The following TXNDC15 variants were observed in gnomAD, a reference collection of about 807,000 sequenced individuals.
TXNDC15 encodes thioredoxin domain-containing protein 15.
A neutral mutation model predicts 35.0 loss-of-function variants in TXNDC15; 24 were observed. That is an observed-to-expected ratio of 0.68 (90% CI 0.50 to 0.96). The LOEUF is 0.96. TXNDC15 is among the 40% of genes least tolerant of loss of function. The pLI, the probability that TXNDC15 is intolerant of heterozygous loss-of-function variation, is 0.00. For synonymous variants in TXNDC15, 169 were observed against 174.0 expected (o/e 0.97, Z 0.23); for missense variants, 385 against 453.3 (o/e 0.85, Z 1.37).
rs1271111731 is a variant in TXNDC15, at chr5:134,887,861, C to T, written c.270C>T (p.His90=). ...TGGGGCTGGACACCCAAGGCGATCACATGGTGATGCTGTCTGTGATTCCTG... is the reference window on the plus strand; with the variant it reads ...TGGGGCTGGACACCCAAGGCGATCATATGGTGATGCTGTCTGTGATTCCTG... ...AVLGLDTQGD[H]MVMLSVIPGE... is the part of the protein sequence containing the mutation. Residue 90 remains histidine (H), a synonymous_variant, in exon 2 of 5, where the codon CAC becomes CAT. Transcript: ENST00000358387. 3.7e-6 allele frequency: 6 copies of T among 1,614,198 alleles called. No individual in the cohort carries two copies. Among genetic ancestry groups the T allele is most frequent in the Non-Finnish European group, 5.1e-6 (6 of 1,180,044 alleles).
intron 1 of TXNDC15, 101 bp downstream of exon 1, chr5:134,874,631 C>T (rs772882537): frequency 3.1e-6 from 3 of 954,038 alleles, no homozygotes; most frequent in Non-Finnish European, 4.5e-6. Context: ...GCGCGACTCG[C>T]CCCTTCTTGG....
At chr5:134,874,352 C>G (rs896423650), upstream of TXNDC15, 23 of 1,305,160 alleles carry the variant, frequency 1.8e-5, no homozygotes, top group African/African-American at 2.3e-4. Flanking sequence ...CGCTCCCAGG[C>G]TCTCCTCCCC....
intron 2 of TXNDC15, among the ~76,000 whole-genome samples, chr5:134,888,742 A>G (rs1750328852): frequency 6.6e-6 from 1 of 152,152 alleles, no homozygotes; most frequent in Non-Finnish European, 1.5e-5. Flanking sequence ...TCGGCCTCCC[A>G]AAGTGCTGGG....
chr5:134,890,851 A>G (rs1750375797), intron 2 of TXNDC15, among the ~76,000 whole-genome samples: 1 of 152,218 alleles, frequency 6.6e-6, no homozygotes, highest in South Asian at 2.1e-4. Context: ...TTATCAACTA[A>G]GTTTATGGAA....
chr5:134,881,916 CG>C (rs2150184944), intron 1 of TXNDC15, among the ~76,000 whole-genome samples: 1 of 150,618 alleles, frequency 6.6e-6, no homozygotes, highest in African/African-American at 2.4e-5. Context: ...CCTGACCTCC[CG>C]GACGGGGCGG....
Position 134,888,003 on chromosome 5 carries a change from G to A in TXNDC15, c.412G>A (p.Ala138Thr). The change falls in exon 2 of 5, where the codon GCA (alanine) becomes ACA (threonine). Residue 138 changes from alanine to threonine, a missense_variant. Transcript: ENST00000358387. ...ESLFSLDGAG[A>T]HFPDREEEYY... ...CCTTTTCTCTCTGGATGGCGCTGGA[G>A]CACACTTCCCTGACAGAGAAGAGGA... 3.7e-6 allele frequency: 6 copies of A among 1,614,214 alleles called. No individual in the cohort carries two copies. Among genetic ancestry groups the A allele is most frequent in the Non-Finnish European group, 5.1e-6 (6 of 1,180,036 alleles).
chr5:134,888,214 T>A (rs1561899640), intron 2 of TXNDC15, 32 bp downstream of exon 2: 1 of 1,542,000 alleles, frequency 6.5e-7, no homozygotes, highest in Non-Finnish European at 8.8e-7. Context: ...CTTTTCTCCT[T>A]TTCAGTACAT....
At chr5:134,879,285 T>C (rs983499307) in intron 1 of TXNDC15, among the ~76,000 whole-genome samples, 43 of 152,198 alleles carry the variant, frequency 2.8e-4, no homozygotes, top group Non-Finnish European at 5.1e-4. Context: ...AGGGGCTATC[T>C]GAGGGTCATC....
chr5:134,890,653 GC>G (rs765118361), intron 2 of TXNDC15, among the ~76,000 whole-genome samples: 29 of 152,008 alleles, frequency 1.9e-4, no homozygotes, highest in Admixed American at 5.2e-4. Context: ...CAAGTGATCT[GC>G]CCACCTTGGC....
At chr5:134,889,059 A>T (rs550926063) in intron 2 of TXNDC15, among the ~76,000 whole-genome samples, 1 of 152,324 alleles carries the variant, frequency 6.6e-6, no homozygotes, top group South Asian at 2.1e-4. Flanking sequence ...CCTGTAGTGC[A>T]CATAGCTCCT....
chr5:134,893,198 A>G (rs924824126), intron 2 of TXNDC15: 3 of 257,202 alleles, frequency 1.2e-5, no homozygotes, highest in Non-Finnish European at 7.4e-6. Flanking sequence ...ATTATGAAAA[A>G]TATTAAAATA....
At chr5:134,886,435 G>A (rs143948836) in intron 1 of TXNDC15, among the ~76,000 whole-genome samples, 119 of 152,380 alleles carry the variant, frequency 7.8e-4, no homozygotes, top group African/African-American at 2.7e-3. Flanking sequence ...CTGGCAGCTG[G>A]TGTTGAGTTG....
At position 134,890,372 on chromosome 5, in the gene TXNDC15, CTCTTTTCTCTTCTCT is replaced by C. The variant is rs536454729; in HGVS notation, c.591+2207_591+2221del. Among the ~76,000 whole-genome samples the C allele has an allele frequency of 4.7e-3, 703 of 148,280 alleles. 5 individuals are homozygous for C. Among genetic ancestry groups the C allele is most frequent in the African/African-American group, 0.016 (643 of 40,288 alleles). ...TTTTTCTTTTCTTTTCTTTTCTTTT[CTCTTTTCTCTTCTCT>C]TCTTTTCTCTTCTCTTTTCTTTTCT... On this transcript the variant is annotated intron_variant, in intron 2 of 4. Transcript: ENST00000358387.
intron 2 of TXNDC15, chr5:134,892,619 C>A (rs1473174267): frequency 2.6e-5 from 4 of 152,154 alleles, no homozygotes; most frequent in African/African-American, 9.7e-5. Flanking sequence ...TAGCTTTCAG[C>A]CTGTCTCCTA....
intron 4 of TXNDC15, 98 bp from the exon 5 acceptor site, chr5:134,899,391 G>C (rs1750555736): frequency 4.1e-6 from 4 of 973,050 alleles, no homozygotes; most frequent in Non-Finnish European, 6.3e-6. Flanking sequence ...GCTTATTTTA[G>C]GACTGCATGT....
chr5:134,897,608 C>T (rs1750520170), intron 4 of TXNDC15, among the ~76,000 whole-genome samples: 3 of 152,224 alleles, frequency 2.0e-5, no homozygotes. Flanking sequence ...ATACACTTTA[C>T]TTATAACTTT....
At chr5:134,887,114 T>A (rs892920236) in intron 1 of TXNDC15, among the ~76,000 whole-genome samples, 1 of 152,252 alleles carries the variant, frequency 6.6e-6, no homozygotes, top group Non-Finnish European at 1.5e-5. Flanking sequence ...ATAATCCACA[T>A]GGCAAGCAGC....
chr5:134,883,537 G>A (rs1750205216), intron 1 of TXNDC15, among the ~76,000 whole-genome samples: 1 of 148,040 alleles, frequency 6.8e-6, no homozygotes, highest in African/African-American at 2.5e-5. Flanking sequence ...AACCCGGGAG[G>A]TGGTTGTGCC....
chr5:134,879,725 C>T (rs1193070456), intron 1 of TXNDC15, among the ~76,000 whole-genome samples: 2 of 151,990 alleles, frequency 1.3e-5, no homozygotes, highest in Admixed American at 6.6e-5. Flanking sequence ...GCTAAAGACT[C>T]ACTTTGCTGC....
Sources: allele counts gnomAD v4.1 joint callset (sites outside exome capture counted in the v4.1 genomes callset), GRCh38; gene constraint gnomAD v4.1.1; transcripts MANE v1.5; gene names NCBI Gene and HGNC (gene_info 2026-07-23, HGNC 2026-07-21).